The following PRKCH variants were observed in gnomAD, a reference collection of about 807,000 sequenced individuals.
PRKCH encodes the protein protein kinase C eta type.
In PRKCH, 28 loss-of-function variants were observed where a neutral mutation model predicts 82.5. The observed-to-expected ratio is 0.34, with a 90% confidence interval of 0.25 to 0.47. The LOEUF (loss-of-function observed/expected upper bound fraction) is 0.47. Ranked by LOEUF, PRKCH falls within the 20% of genes least tolerant of loss-of-function variation. The pLI is 1.00. For missense variants in PRKCH, 705 were observed against 881.8 expected (o/e 0.80, Z 2.54); for synonymous variants, 322 against 327.4 (o/e 0.98, Z 0.18).
At chr14:61,433,803 C>CT (rs1883539157) in intron 2 of PRKCH, among the ~76,000 whole-genome samples, 1 of 152,184 alleles carries the variant, frequency 6.6e-6, no homozygotes, top group Admixed American at 6.5e-5. Flanking sequence ...TAGAGTATAA[C>CT]ATACATCATT....
chr14:61,310,034 C>G (rs1566814697), intron 1 of PRKCH, among the ~76,000 whole-genome samples: 1 of 152,006 alleles, frequency 6.6e-6, no homozygotes, highest in Admixed American at 6.6e-5. Flanking sequence ...AGGGAACCGC[C>G]CCCCCTCCGT....
chr14:61,438,189 G>T (rs1336623532), intron 2 of PRKCH, among the ~76,000 whole-genome samples: 3 of 152,046 alleles, frequency 2.0e-5, no homozygotes, highest in African/African-American at 4.8e-5. Context: ...CACACCCCAG[G>T]CTCCAGATTC....
At chr14:61,506,817 A>C (rs1035172805) in intron 10 of PRKCH, among the ~76,000 whole-genome samples, 1 of 152,174 alleles carries the variant, frequency 6.6e-6, no homozygotes, top group Admixed American at 6.5e-5. Flanking sequence ...GGAGTCTTCA[A>C]ATGGAATGAC....
chr14:61,498,857 C>T (rs551390378), intron 10 of PRKCH, among the ~76,000 whole-genome samples: 57 of 152,188 alleles, frequency 3.7e-4, no homozygotes, highest in Middle Eastern at 6.8e-3. Context: ...ACAAAACATT[C>T]AGTCCATTAC....
intron 1 of PRKCH, among the ~76,000 whole-genome samples, chr14:61,312,554 G>C (rs1271333890): frequency 6.6e-6 from 1 of 152,162 alleles, no homozygotes; most frequent in Admixed American, 6.6e-5. Context: ...CCGAGAATGG[G>C]TAATTTTTTT....
rs1388173513 is a variant in PRKCH, at chr14:61,364,010, GTGTATATATATATT to G, written c.364-27202_364-27189del. On this transcript the variant is annotated intron_variant, in intron 1 of 13. Transcript: ENST00000332981. Reference sequence around the variant, plus strand: ...TGTGTGTGTGTATATATATATTTGTGTGTATATATATATTTGTATATATATAATATATATATATA... The same window carrying G: ...TGTGTGTGTGTATATATATATTTGTGTGTATATATATAATATATATATATA... Among the ~76,000 whole-genome samples the G allele has an allele frequency of 3.9e-4, 57 of 146,568 alleles. 1 individual carries two copies. The South Asian group carries it at 0.012, about 30-fold the overall frequency.
chr14:61,325,738 G>C (rs1388674891), intron 1 of PRKCH, among the ~76,000 whole-genome samples: 1 of 152,080 alleles, frequency 6.6e-6, no homozygotes, highest in African/African-American at 2.4e-5. Context: ...ATATATAAAA[G>C]AACTCTAACA....
At chr14:61,517,423 A>G (rs1009600847) in intron 10 of PRKCH, among the ~76,000 whole-genome samples, 3 of 152,240 alleles carry the variant, frequency 2.0e-5, no homozygotes, top group Non-Finnish European at 4.4e-5. Context: ...GTGTTCCTCT[A>G]GTAAGAATAG....
chr14:61,194,097 T>C (rs2044425756), intron 1 of PRKCH, among the ~76,000 whole-genome samples: 1 of 152,224 alleles, frequency 6.6e-6, no homozygotes, highest in African/African-American at 2.4e-5. Context: ...TTTAGTTTTT[T>C]AAAAGGTGTT....
At chr14:61,407,756 C>T (rs1882034848) in intron 2 of PRKCH, among the ~76,000 whole-genome samples, 1 of 152,200 alleles carries the variant, frequency 6.6e-6, no homozygotes, top group Admixed American at 6.5e-5. Flanking sequence ...AACCTTTTGT[C>T]TGATATGCAG....
chr14:61,233,531 C>T (rs1424310106), intron 1 of PRKCH, among the ~76,000 whole-genome samples: 1 of 152,182 alleles, frequency 6.6e-6, no homozygotes, highest in Admixed American at 6.5e-5. Context: ...GGAATTAATA[C>T]AATATTGAAG....
intron 1 of PRKCH, among the ~76,000 whole-genome samples, chr14:61,363,718 G>C (rs1398239966): frequency 6.6e-6 from 1 of 152,044 alleles, no homozygotes; most frequent in Non-Finnish European, 1.5e-5. Flanking sequence ...ATGTGAGTAG[G>C]TTGGTGCCCA....
chr14:61,436,913 C>T (rs1042209661), intron 2 of PRKCH, among the ~76,000 whole-genome samples: 2 of 152,242 alleles, frequency 1.3e-5, no homozygotes, highest in Non-Finnish European at 2.9e-5. Flanking sequence ...TACCTTCTCC[C>T]TGCTCTAATT....
intron 1 of PRKCH, among the ~76,000 whole-genome samples, chr14:61,347,193 G>A (rs1030972405): frequency 6.6e-6 from 1 of 152,078 alleles, no homozygotes. Context: ...AAGGTGGTTT[G>A]GTTTGTGCCA....
chr14:61,304,402 T>C (rs900868289), intron 1 of PRKCH: 1 of 152,222 alleles, frequency 6.6e-6, no homozygotes, highest in African/African-American at 2.4e-5. Flanking sequence ...TAGTTTAGAT[T>C]TCCCTGTGCT....
intron 1 of PRKCH, chr14:61,303,444 C>T (rs999139077): frequency 6.6e-6 from 1 of 152,176 alleles, no homozygotes; most frequent in East Asian, 1.9e-4. Flanking sequence ...GAATGTCACT[C>T]TTCAACTTTG....
At chr14:61,257,637 A>ACG (rs2045010389) in intron 1 of PRKCH, among the ~76,000 whole-genome samples, 1 of 148,646 alleles carries the variant, frequency 6.7e-6, no homozygotes, top group Non-Finnish European at 1.5e-5. Flanking sequence ...ACACCCCCAC[A>ACG]CACACACACA....
chr14:61,533,157 T>TG (rs772949573), intron 12 of PRKCH, among the ~76,000 whole-genome samples: 3 of 152,114 alleles, frequency 2.0e-5, no homozygotes, highest in Non-Finnish European at 4.4e-5. Flanking sequence ...TACCATAGGG[T>TG]GATTGTCCAG....
intron 2 of PRKCH, among the ~76,000 whole-genome samples, chr14:61,402,241 G>C (rs547083987): frequency 1.3e-5 from 2 of 152,306 alleles, no homozygotes; most frequent in Non-Finnish European, 2.9e-5. Flanking sequence ...TATGGGTCAA[G>C]GATCTCTTGA....
Sources: gnomAD v4.1 joint callset for allele counts (sites outside exome capture counted in the v4.1 genomes callset) on GRCh38, gnomAD v4.1.1 for gene constraint, MANE v1.5 for transcripts, NCBI Gene and HGNC (gene_info 2026-07-23, HGNC 2026-07-21) for gene names.